CSMD1: variants seen among roughly 807,000 people sequenced by gnomAD.
The protein encoded by CSMD1 is CUB and sushi domain-containing protein 1.
In CSMD1, 213 loss-of-function variants were observed where a neutral mutation model predicts 417.5. The ratio of observed to expected loss-of-function variants is 0.51; its 90% CI spans 0.46 to 0.57. The LOEUF (loss-of-function observed/expected upper bound fraction) is 0.57. CSMD1 is among the 20% of genes least tolerant of loss of function. CSMD1 has a pLI of 0.00. For missense variants in CSMD1, 6,923 were observed against 4,529.7 expected (o/e 1.53, Z -15.17); for synonymous variants, 2,862 against 1,736.8 (o/e 1.65, Z -16.11).
intron 3 of CSMD1, among the ~76,000 whole-genome samples, chr8:4,162,249 C>A (rs909098088): frequency 1.3e-5 from 2 of 152,160 alleles, no homozygotes; most frequent in Non-Finnish European, 2.9e-5. Flanking sequence ...AAGAAACATT[C>A]TGCAATAAAA....
chr8:3,308,658 G>A (rs1322979606), intron 23 of CSMD1, among the ~76,000 whole-genome samples, 155 bp from the exon 24 acceptor site: 2 of 151,132 alleles, frequency 1.3e-5, no homozygotes, highest in Admixed American at 1.3e-4. Flanking sequence ...AGATGGGTCT[G>A]TACTGGGGCT....
At chr8:3,108,154 G>A (rs573795669) in intron 44 of CSMD1, among the ~76,000 whole-genome samples, 64 of 152,278 alleles carry the variant, frequency 4.2e-4, no homozygotes, top group African/African-American at 1.5e-3. Context: ...CCCGTGTCCT[G>A]AGGAATTCTG....
intron 3 of CSMD1, among the ~76,000 whole-genome samples, chr8:4,288,753 T>C (rs1325361616): frequency 6.6e-6 from 1 of 152,152 alleles, no homozygotes; most frequent in Admixed American, 6.6e-5. Context: ...ATGGTCAACC[T>C]CCCAACTCTA....
chr8:4,975,232 A>G (rs770218321), intron 1 of CSMD1, among the ~76,000 whole-genome samples: 4 of 152,202 alleles, frequency 2.6e-5, no homozygotes, highest in Admixed American at 2.0e-4. Flanking sequence ...ATATCAGAAA[A>G]AAAGTCTCCA....
At chr8:4,238,384 C>T (rs995617694) in intron 3 of CSMD1, among the ~76,000 whole-genome samples, 2 of 152,142 alleles carry the variant, frequency 1.3e-5, no homozygotes, top group South Asian at 4.1e-4. Context: ...AGCACATCTG[C>T]TAACTCCGCC....
chr8:3,851,512 C>G (rs1177134351), intron 5 of CSMD1, among the ~76,000 whole-genome samples: 2 of 152,150 alleles, frequency 1.3e-5, no homozygotes, highest in African/African-American at 2.4e-5. Flanking sequence ...CTTTTTGGCT[C>G]TGTTTGATCA....
intron 5 of CSMD1, among the ~76,000 whole-genome samples, chr8:3,813,425 G>A (rs907809464): frequency 2.0e-5 from 3 of 152,046 alleles, no homozygotes; most frequent in Non-Finnish European, 4.4e-5. Flanking sequence ...GCCTGTAAAA[G>A]AACTATTTTA....
intron 37 of CSMD1, among the ~76,000 whole-genome samples, chr8:3,177,943 A>C (rs921566585): frequency 1.3e-5 from 2 of 152,218 alleles, no homozygotes; most frequent in Non-Finnish European, 2.9e-5. Context: ...AACAAGAGTG[A>C]CACTTGTGTT....
At chr8:4,880,565 T>C (rs76337849) in intron 1 of CSMD1, among the ~76,000 whole-genome samples, 2,875 of 152,148 alleles carry the variant, frequency 0.019, 116 homozygotes, top group African/African-American at 0.065. Context: ...TCCTCTTTAC[T>C]ACATAGACAC....
At chr8:4,363,693 A>G (rs2128908825) in intron 3 of CSMD1, among the ~76,000 whole-genome samples, 1 of 152,304 alleles carries the variant, frequency 6.6e-6, no homozygotes, top group East Asian at 1.9e-4. Context: ...GTGCCTGGTT[A>G]TTTCACTTAA....
intron 3 of CSMD1, among the ~76,000 whole-genome samples, chr8:4,397,029 T>C (rs1181263948): frequency 6.8e-6 from 1 of 147,526 alleles, no homozygotes. Flanking sequence ...TCTAATGAAA[T>C]TAAAAAAAAA....
chr8:3,318,678 C>G (rs533972070), intron 23 of CSMD1, among the ~76,000 whole-genome samples: 54 of 152,192 alleles, frequency 3.5e-4, no homozygotes, highest in African/African-American at 1.2e-3. Flanking sequence ...AGGTGCATGA[C>G]GAGAGTAAGA....
rs1805978760 is a variant in CSMD1 at position 4,680,626 on chromosome 8, C to G, written c.86-43068G>C. Among the ~76,000 whole-genome samples the G allele has an allele frequency of 1.3e-5, 2 of 152,110 alleles. 1 individual carries two copies. Among genetic ancestry groups the G allele is most frequent in the South Asian group, 4.1e-4 (2 of 4,824 alleles). ...GACAGAGTCTTCCTCTGTTGCCAGG[C>G]TGGAGTGCAGTGGCATGATCTTGGC... On this transcript the variant is annotated intron_variant, in intron 1 of 69. Transcript: ENST00000635120.
rs3990383 is a variant in CSMD1, at chr8:4,650,656, T to TA, written c.86-13099dup. On this transcript the variant is annotated intron_variant, in intron 1 of 69. Transcript: ENST00000635120. ...GCCTTTCGAGTCTGTGGCCTTGAGT[T>TA]AAAAAAAAAAAAGATACAGCTTGTA... Among the ~76,000 whole-genome samples the TA allele has an allele frequency of 1.5e-3, 225 of 148,838 alleles. 1 individual carries two copies. The highest frequency in any genetic ancestry group is 1.6e-3 in the Non-Finnish European group (107 of 67,092).
chr8:4,872,217 G>T (rs192618867), intron 1 of CSMD1, among the ~76,000 whole-genome samples: 19 of 152,220 alleles, frequency 1.2e-4, no homozygotes, highest in African/African-American at 4.1e-4. Context: ...AGAGGCCTTG[G>T]AGTTGGGACG....
intron 3 of CSMD1, among the ~76,000 whole-genome samples, chr8:4,071,378 C>A (rs1400178641): frequency 6.7e-6 from 1 of 148,334 alleles, no homozygotes; most frequent in African/African-American, 2.5e-5. Context: ...ATCTGTTAAG[C>A]CTTTCCAAGT....
chr8:4,284,506 C>A (rs1796956646), intron 3 of CSMD1, among the ~76,000 whole-genome samples: 1 of 152,124 alleles, frequency 6.6e-6, no homozygotes. Flanking sequence ...GCGCACCATG[C>A]CTTCCCATAT....
Position 2,938,537 on chromosome 8 carries a change from G to C in CSMD1, c.*48C>G, listed in dbSNP as rs768439391. 3 of 1,556,014 alleles carry C rather than the reference G, an allele frequency of 1.9e-6. No individual in the cohort carries two copies. Among genetic ancestry groups the C allele is most frequent in the African/African-American group, 2.7e-5 (2 of 73,858 alleles). On this transcript the variant is annotated 3_prime_UTR_variant, in exon 70 of 70. Transcript: ENST00000635120. ...TATGGCACCAAAGGAATCACTGCTTGTCCATCAGAGGTATGGCTATGAATC... is the reference window on the plus strand; with the variant it reads ...TATGGCACCAAAGGAATCACTGCTTCTCCATCAGAGGTATGGCTATGAATC...
intron 3 of CSMD1, among the ~76,000 whole-genome samples, chr8:4,178,533 C>T (rs1266495039): frequency 6.6e-6 from 1 of 150,948 alleles, no homozygotes; most frequent in South Asian, 2.1e-4. Context: ...GACAGGGATG[C>T]CCTCTCTCAC....
Sources: allele counts gnomAD v4.1 joint callset (sites outside exome capture counted in the v4.1 genomes callset), GRCh38; gene constraint gnomAD v4.1.1; transcripts MANE v1.5; gene names NCBI Gene and HGNC (gene_info 2026-07-23, HGNC 2026-07-21).